RFX3: variants seen among roughly 807,000 people sequenced by gnomAD.
RFX3 encodes the protein regulatory factor X3.
RFX3 carries 14 observed loss-of-function variants against 98.6 expected under a neutral mutation model. That is an observed-to-expected ratio of 0.14 (90% CI 0.09 to 0.22). The LOEUF is 0.22. RFX3 is among the 10% of genes least tolerant of loss of function. RFX3 has a pLI of 1.00. For synonymous variants in RFX3, 383 were observed against 328.4 expected (o/e 1.17, Z -1.80); for missense variants, 639 against 926.9 (o/e 0.69, Z 4.03).
chr9:3,329,428 AC>A (rs778491345), intron 4 of RFX3, among the ~76,000 whole-genome samples: 3,975 of 136,812 alleles, frequency 0.029, 694 homozygotes, highest in African/African-American at 0.11. Context: ...AAAAAAAAAA[AC>A]AAAAAACCAC....
At chr9:3,493,333 T>C (rs1011701875) in intron 1 of RFX3, among the ~76,000 whole-genome samples, 6 of 152,134 alleles carry the variant, frequency 3.9e-5, no homozygotes, top group Non-Finnish European at 8.8e-5. Context: ...TACACAGATG[T>C]GCCAGATTAA....
intron 5 of RFX3, among the ~76,000 whole-genome samples, chr9:3,296,439 T>C (rs1416653396): frequency 6.6e-6 from 1 of 152,104 alleles, no homozygotes; most frequent in Non-Finnish European, 1.5e-5. Flanking sequence ...TGCACCGTTT[T>C]ATAAACTGAT....
At chr9:3,427,276 TTA>T (rs1047937825) in intron 1 of RFX3, among the ~76,000 whole-genome samples, 15 of 143,460 alleles carry the variant, frequency 1.0e-4, no homozygotes, top group Admixed American at 2.1e-4. Flanking sequence ...ATATATTTTA[TTA>T]TATAATACTA....
chr9:3,398,254 A>G (rs1209770495), intron 1 of RFX3, among the ~76,000 whole-genome samples: 1 of 152,154 alleles, frequency 6.6e-6, no homozygotes, highest in East Asian at 1.9e-4. Context: ...TAGAGGACCA[A>G]TAGTTCTCAA....
At chr9:3,311,346 A>T (rs186915487) in intron 4 of RFX3, among the ~76,000 whole-genome samples, 3 of 152,020 alleles carry the variant, frequency 2.0e-5, no homozygotes, top group East Asian at 3.9e-4. Flanking sequence ...TTGGAGACTT[A>T]TGTTTAGAAA....
intron 1 of RFX3, among the ~76,000 whole-genome samples, chr9:3,434,685 C>T (rs956938088): frequency 6.6e-5 from 10 of 152,052 alleles, no homozygotes; most frequent in African/African-American, 2.2e-4. Context: ...TTACCTTCTC[C>T]CCACCCTCCT....
chr9:3,428,602 T>C (rs967192509), intron 1 of RFX3, among the ~76,000 whole-genome samples: 1 of 152,092 alleles, frequency 6.6e-6, no homozygotes, highest in African/African-American at 2.4e-5. Context: ...GAATAGAAAA[T>C]TCAGAAAATC....
At chr9:3,441,732 G>A (rs117347211) in intron 1 of RFX3, among the ~76,000 whole-genome samples, 3,292 of 152,100 alleles carry the variant, frequency 0.022, 35 homozygotes, top group Middle Eastern at 0.044. Context: ...AAATGGGAGA[G>A]AAGAGATAAA....
At chr9:3,467,172 A>AT (rs1476277092) in intron 1 of RFX3, among the ~76,000 whole-genome samples, 3 of 114,580 alleles carry the variant, frequency 2.6e-5, no homozygotes, top group African/African-American at 1.6e-4. Context: ...TACGTATATA[A>AT]TGTATATATG....
At chr9:3,465,780 G>C (rs577291017) in intron 1 of RFX3, among the ~76,000 whole-genome samples, 1 of 152,058 alleles carries the variant, frequency 6.6e-6, no homozygotes, top group East Asian at 1.9e-4. Flanking sequence ...AAATAGAGCA[G>C]TGAGTGGTAA....
intron 1 of RFX3, among the ~76,000 whole-genome samples, chr9:3,429,062 T>C (rs553135507): frequency 6.7e-6 from 1 of 150,030 alleles, no homozygotes; most frequent in African/African-American, 2.5e-5. Context: ...TCGCTGTGTC[T>C]CCCAGGCTGG....
At chr9:3,401,385 C>T (rs1230272478) in intron 1 of RFX3, among the ~76,000 whole-genome samples, 3 of 152,100 alleles carry the variant, frequency 2.0e-5, no homozygotes, top group Non-Finnish European at 4.4e-5. Flanking sequence ...CTAGCATGCT[C>T]CATTTTAGGT....
chr9:3,228,286 C>T (rs1466325669), intron 16 of RFX3, among the ~76,000 whole-genome samples: 1 of 152,094 alleles, frequency 6.6e-6, no homozygotes, highest in Non-Finnish European at 1.5e-5. Flanking sequence ...TGAGGTTCTT[C>T]AGAAATATAT....
intron 1 of RFX3, among the ~76,000 whole-genome samples, chr9:3,435,387 T>C (rs1845033769): frequency 9.3e-6 from 1 of 107,230 alleles, no homozygotes; most frequent in Admixed American, 9.2e-5. Context: ...GTATATTTAG[T>C]TTTTTCCTTT....
chr9:3,372,291 A>T (rs1321274955), intron 2 of RFX3, among the ~76,000 whole-genome samples: 2 of 152,186 alleles, frequency 1.3e-5, no homozygotes, highest in African/African-American at 4.8e-5. Context: ...GTGGGATAAT[A>T]CTGGCTCCCC....
chr9:3,289,737 T>C (rs1351358044), intron 6 of RFX3, among the ~76,000 whole-genome samples: 1 of 152,090 alleles, frequency 6.6e-6, no homozygotes, highest in Admixed American at 6.6e-5. Context: ...ATATCCATGG[T>C]CTTCTTTACT....
intron 3 of RFX3, among the ~76,000 whole-genome samples, chr9:3,331,046 G>A (rs1832543298): frequency 6.6e-6 from 1 of 151,632 alleles, no homozygotes; most frequent in Non-Finnish European, 1.5e-5. Flanking sequence ...ACTCACCCTG[G>A]ACCCTAAGTC....
At chr9:3,457,065 C>T (rs371327720) in intron 1 of RFX3, among the ~76,000 whole-genome samples, 3 of 139,240 alleles carry the variant, frequency 2.2e-5, no homozygotes, top group African/African-American at 5.2e-5. Context: ...AGCTTGAACC[C>T]GGGAGGCAGC....
intron 4 of RFX3, chr9:3,324,073 T>A (rs1162051738): frequency 4.5e-6 from 2 of 442,062 alleles, no homozygotes; most frequent in African/African-American, 4.0e-5. Flanking sequence ...TCTGAGGAGT[T>A]TCATTTCAGG....
Sources: allele counts gnomAD v4.1 joint callset (sites outside exome capture counted in the v4.1 genomes callset), GRCh38; gene constraint gnomAD v4.1.1; transcripts MANE v1.5; gene names NCBI Gene and HGNC (gene_info 2026-07-23, HGNC 2026-07-21).